FBXL17: variants seen among roughly 807,000 people sequenced by gnomAD.
FBXL17 encodes the protein F-box and leucine rich repeat protein 17.
FBXL17 carries 22 observed loss-of-function variants against 66.2 expected under a neutral mutation model. The observed-to-expected ratio is 0.33, with a 90% CI of 0.24 to 0.47. FBXL17 has a LOEUF of 0.47. Ranked by LOEUF, FBXL17 falls within the 20% of genes least tolerant of loss-of-function variation. The pLI, the probability that FBXL17 is intolerant of heterozygous loss-of-function variation, is 1.00. For missense variants in FBXL17, 878 were observed against 948.2 expected, an observed-to-expected ratio of 0.93 and a Z score of 0.97; for synonymous variants, 474 against 400.5, an observed-to-expected ratio of 1.18 and a Z score of -2.19.
intron 8 of FBXL17, 82 bp downstream of exon 8, chr5:107,880,951 GAGAT>G (rs767761837): frequency 6.8e-6 from 11 of 1,608,548 alleles, no homozygotes; most frequent in Non-Finnish European, 9.3e-6. Flanking sequence ...CACGGGGGTG[GAGAT>G]AGAGAAGGAG....
intron 3 of FBXL17, among the ~76,000 whole-genome samples, chr5:108,358,736 G>T (rs1240489889): frequency 6.6e-6 from 1 of 152,018 alleles, no homozygotes; most frequent in Non-Finnish European, 1.5e-5. Context: ...CAATTTTTTT[G>T]AAAGAGTTTG....
At chr5:108,027,270 A>G (rs1754859468) in intron 6 of FBXL17, among the ~76,000 whole-genome samples, 1 of 152,160 alleles carries the variant, frequency 6.6e-6, no homozygotes, top group South Asian at 2.1e-4. Context: ...CTACTAAGAA[A>G]CAAGACGATT....
chr5:108,171,928 C>T (rs764231760), intron 6 of FBXL17, among the ~76,000 whole-genome samples: 12 of 149,762 alleles, frequency 8.0e-5, no homozygotes, highest in Non-Finnish European at 1.2e-4. Flanking sequence ...AGGAGTTCCC[C>T]GCAGAAGCTC....
chr5:108,121,613 G>C (rs1397316608), intron 6 of FBXL17, among the ~76,000 whole-genome samples: 1 of 151,814 alleles, frequency 6.6e-6, no homozygotes, highest in East Asian at 1.9e-4. Flanking sequence ...CTGGAGTGCA[G>C]TGGCACGGTC....
In FBXL17 at chr5:108,380,941, G is replaced by A. The variant is rs1749831027; in HGVS notation, c.751C>T (p.Pro251Ser). ...CAGAGCGGCTGCGGGGGCTGCTCCG[G>A]GGCCTGGCAGCAGCCGGCGTCGGGG... ...RPPDAGCCQA[P>S]EQPPQPLCPP... The change falls in exon 1 of 9, where the codon CCG becomes TCG. Residue 251 changes from proline (P) to serine (S), a missense_variant. Pro to Ser is a moderately conservative substitution (Grantham distance 74). Transcript: ENST00000542267. The A allele has an allele frequency of 8.2e-7, 1 of 1,221,384 alleles. No homozygotes were observed. Among genetic ancestry groups the A allele is most frequent in the African/African-American group, 1.6e-5 (1 of 64,036 alleles). 75.7% of individuals were successfully genotyped at this position (1,221,384 alleles called of 1,614,324 possible).
At chr5:108,108,917 G>C (rs915045059) in intron 6 of FBXL17, among the ~76,000 whole-genome samples, 4 of 151,816 alleles carry the variant, frequency 2.6e-5, no homozygotes, top group Non-Finnish European at 5.9e-5. Flanking sequence ...CTGAGTAGCT[G>C]GGATTACAGG....
intron 4 of FBXL17, among the ~76,000 whole-genome samples, chr5:108,331,834 G>A (rs1760137789): frequency 6.6e-6 from 1 of 151,926 alleles, no homozygotes; most frequent in African/African-American, 2.4e-5. Context: ...TGAAAAAAAA[G>A]ACCTCGTTAT....
At chr5:108,275,699 C>T (rs141217880) in intron 4 of FBXL17, among the ~76,000 whole-genome samples, 172 of 152,242 alleles carry the variant, frequency 1.1e-3, no homozygotes, top group Admixed American at 3.2e-3. Flanking sequence ...TAGGGAAATG[C>T]AGACAAAGAG....
In FBXL17 at chr5:108,066,019, G is replaced by A. The variant is rs189962426; in HGVS notation, c.1746-45018C>T. Among the ~76,000 whole-genome samples, 96 of 152,192 alleles carry A rather than the reference G, an allele frequency of 6.3e-4. 1 individual carries two copies. The East Asian group carries it at 0.018, about 28-fold the overall frequency. On this transcript the variant is annotated intron_variant, in intron 6 of 8. Transcript: ENST00000542267. Reference sequence around the variant, plus strand: ...GGGAATAGGGGACTATCGAAGGTTAGGTTTATGGAAGGGATTTTCATGGAC... The same window carrying A: ...GGGAATAGGGGACTATCGAAGGTTAAGTTTATGGAAGGGATTTTCATGGAC...
At chr5:108,285,737 C>A (rs1757873128) in intron 4 of FBXL17, among the ~76,000 whole-genome samples, 1 of 151,548 alleles carries the variant, frequency 6.6e-6, no homozygotes, top group Non-Finnish European at 1.5e-5. Context: ...ATTCAGTAAA[C>A]CATGCTATAA....
At chr5:108,322,421 G>A (rs1255798621) in intron 4 of FBXL17, among the ~76,000 whole-genome samples, 1 of 151,876 alleles carries the variant, frequency 6.6e-6, no homozygotes, top group Non-Finnish European at 1.5e-5. Context: ...GGAAAAAAGT[G>A]TGATGTACAT....
chr5:107,926,980 T>A (rs1054223448), intron 7 of FBXL17, among the ~76,000 whole-genome samples: 3 of 152,000 alleles, frequency 2.0e-5, no homozygotes, highest in African/African-American at 7.2e-5. Context: ...CAATAAGGGA[T>A]GTATCTAAAA....
At chr5:107,911,815 T>C (rs909568978) in intron 7 of FBXL17, among the ~76,000 whole-genome samples, 4 of 152,236 alleles carry the variant, frequency 2.6e-5, no homozygotes, top group Non-Finnish European at 5.9e-5. Flanking sequence ...GGGTCAAGAA[T>C]ATATATTTTT....
At chr5:107,880,254 AG>A in intron 8 of FBXL17, 1 of 495,852 alleles carries the variant, frequency 2.0e-6, no homozygotes, top group Non-Finnish European at 2.6e-6. Flanking sequence ...GTTGGGGGAG[AG>A]GGGGATAGAG....
intron 6 of FBXL17, among the ~76,000 whole-genome samples, chr5:108,113,560 A>G (rs1482811549): frequency 1.3e-5 from 2 of 152,116 alleles, no homozygotes; most frequent in African/African-American, 2.4e-5. Flanking sequence ...AGTGGACAGA[A>G]AAAAAGTAAT....
chr5:108,196,120 T>C (rs1053153567), intron 5 of FBXL17, among the ~76,000 whole-genome samples: 4 of 152,000 alleles, frequency 2.6e-5, no homozygotes, highest in African/African-American at 9.7e-5. Flanking sequence ...TTACAATTTA[T>C]AGTGAATAAA....
At chr5:107,894,635 C>G (rs1211186992) in intron 7 of FBXL17, among the ~76,000 whole-genome samples, 1 of 152,070 alleles carries the variant, frequency 6.6e-6, no homozygotes, top group East Asian at 1.9e-4. Context: ...AGAAAACCAG[C>G]TGGAGCTGAT....
chr5:107,989,163 G>C (rs1753132884), intron 7 of FBXL17, among the ~76,000 whole-genome samples: 1 of 151,828 alleles, frequency 6.6e-6, no homozygotes, highest in Non-Finnish European at 1.5e-5. Flanking sequence ...TTCTCTTCTG[G>C]CTATTTTGAA....
At chr5:107,968,131 AG>A (rs1752225605) in intron 7 of FBXL17, among the ~76,000 whole-genome samples, 1 of 152,168 alleles carries the variant, frequency 6.6e-6, no homozygotes, top group Admixed American at 6.6e-5. Flanking sequence ...TAGAGTAACA[AG>A]GGCAACAGCA....
Sources: allele counts gnomAD v4.1 joint callset (sites outside exome capture counted in the v4.1 genomes callset), GRCh38; gene constraint gnomAD v4.1.1; transcripts MANE v1.5; gene names NCBI Gene and HGNC (gene_info 2026-07-23, HGNC 2026-07-21).